SHMT1: variants seen among roughly 807,000 people sequenced by gnomAD.
SHMT1 encodes serine hydroxymethyltransferase, cytosolic.
A neutral mutation model predicts 49.0 loss-of-function variants in SHMT1; 45 were observed. The observed-to-expected ratio is 0.92, with a 90% CI of 0.72 to 1.18. SHMT1 has a LOEUF of 1.18. SHMT1 is among the 50% of genes most tolerant of loss of function. SHMT1 has a pLI of 0.00. For synonymous variants in SHMT1, 232 were observed against 246.6 expected (o/e 0.94, Z 0.55); for missense variants, 541 against 612.4 (o/e 0.88, Z 1.23).
chr17:18,347,369 A>T lies in SHMT1; in HGVS notation c.519+127T>A. 2.7e-6 allele frequency: 3 copies of T among 1,129,682 alleles called. No homozygotes were observed. The South Asian group carries it at 3.7e-5, about 14-fold the overall frequency. 70.0% of individuals were successfully genotyped at this position (1,129,682 alleles called of 1,614,324 possible). A position where few individuals can be genotyped will look rare whatever the true frequency, so the allele number is the denominator to read the frequency against. On this transcript the variant is annotated intron_variant, in intron 5 of 11. Transcript: ENST00000316694. ...AACCTGAGGAGTCCCCGCTGCAAGG[A>T]AATTAAAAACGGTGCGAGGTGGGGA...
At chr17:18,328,968 G>GTAC in intron 11 of SHMT1, 49 bp from the exon 12 acceptor site, 1 of 1,608,920 alleles carries the variant, frequency 6.2e-7, no homozygotes, top group Non-Finnish European at 8.5e-7. Flanking sequence ...CACCAAAGGG[G>GTAC]GTACAATGGC....
rs1421043481 is a variant in SHMT1, at chr17:18,330,649, G to GATCA, written c.1073_1076dup (p.Leu360AspfsTer16). The GATCA allele has an allele frequency of 2.5e-6, 4 of 1,613,948 alleles. No individual in the cohort carries two copies. The highest frequency in any genetic ancestry group is 3.4e-6 in the Non-Finnish European group (4 of 1,179,792). On this transcript the variant is annotated frameshift_variant, in exon 10 of 12. Coordinates refer to ENST00000316694, the MANE Select transcript of SHMT1 (RefSeq NM_004169.5). LOFTEE classifies it high-confidence loss of function. ...TGCCTTTGGAACGGAGATCCACAAGGATCAAATGGTTGTCAGAACCACCTG... is the reference window on the plus strand; with the variant it reads ...TGCCTTTGGAACGGAGATCCACAAGGATCAATCAAATGGTTGTCAGAACCACCTG...
chr17:18,362,661 C>G (rs1205414685), intron 1 of SHMT1, among the ~76,000 whole-genome samples: 1 of 152,202 alleles, frequency 6.6e-6, no homozygotes, highest in East Asian at 1.9e-4. Flanking sequence ...ACTGGTGTTT[C>G]CAGTCTATTC....
intron 3 of SHMT1, among the ~76,000 whole-genome samples, chr17:18,349,969 G>A (rs932638872): frequency 1.3e-5 from 2 of 151,714 alleles, no homozygotes; most frequent in African/African-American, 2.4e-5. Flanking sequence ...GCGGTGAGCC[G>A]AGATTGTACC....
intron 2 of SHMT1, 120 bp downstream of exon 2, chr17:18,355,766 T>C: frequency 1.4e-6 from 1 of 721,780 alleles, no homozygotes; most frequent in Non-Finnish European, 2.5e-6. Context: ...TGCCACCACC[T>C]CTAAATCCAG....
rs779538552 is a variant in SHMT1 at position 18,328,788 on chromosome 17, C to T, written c.1414G>A (p.Ala472Thr). ...QALREEVESF[A>T]SLFPLPGLPD... ...AGGCCAGGCAGAGGGAAGAGAGAGG[C>T]GAAGCTCTCAACCTCCTCCCGGAGA... Residue 472 changes from alanine to threonine, a missense_variant, in exon 12 of 12, where the codon GCC becomes ACC. Coordinates refer to ENST00000316694, the MANE Select transcript of SHMT1 (RefSeq NM_004169.5). The T allele has an allele frequency of 6.9e-6, 11 of 1,599,272 alleles. No homozygotes were observed. In the South Asian group the frequency reaches 7.8e-5, roughly 11 times the overall value.
chr17:18,330,789 C>A, intron 9 of SHMT1, 118 bp from the exon 10 acceptor site: 1 of 735,048 alleles, frequency 1.4e-6, no homozygotes, highest in East Asian at 2.6e-5. Context: ...AAGGTGAGCA[C>A]CCCCACCACA....
At chr17:18,339,104 G>T (rs1163604886) in intron 7 of SHMT1, among the ~76,000 whole-genome samples, 1 of 147,844 alleles carries the variant, frequency 6.8e-6, no homozygotes, top group Non-Finnish European at 1.5e-5. Flanking sequence ...CCAGAGGGCT[G>T]GTGTCTCTGC....
intron 7 of SHMT1, among the ~76,000 whole-genome samples, chr17:18,339,679 G>A (rs1018646392): frequency 3.3e-5 from 5 of 151,836 alleles, no homozygotes; most frequent in South Asian, 2.1e-4. Flanking sequence ...TCCTGCCTTC[G>A]CCTCCTGAGT....
At chr17:18,333,088 T>C (rs752734232) in intron 9 of SHMT1, 78 bp downstream of exon 9, 1 of 1,570,078 alleles carries the variant, frequency 6.4e-7, no homozygotes, top group Non-Finnish European at 8.8e-7. Context: ...CTGGGCCACA[T>C]CCTGGTTGCA....
At chr17:18,344,577 G>GGAAA (rs1555581586) in intron 5 of SHMT1, among the ~76,000 whole-genome samples, 2 of 65,384 alleles carry the variant, frequency 3.1e-5, no homozygotes, top group African/African-American at 1.2e-4. Flanking sequence ...ACAATTACCG[G>GGAAA]AAAAAAAAAA....
chr17:18,360,146 G>A (rs1567797932), intron 1 of SHMT1, among the ~76,000 whole-genome samples: 2 of 151,952 alleles, frequency 1.3e-5, no homozygotes, highest in Admixed American at 1.3e-4. Flanking sequence ...CTATGCGGGA[G>A]GCTGAGGTAG....
intron 10 of SHMT1, among the ~76,000 whole-genome samples, chr17:18,329,774 T>C (rs1391919623): frequency 6.6e-6 from 1 of 152,108 alleles, no homozygotes; most frequent in Non-Finnish European, 1.5e-5. Context: ...TACATCAGTC[T>C]TTTTGCTCCC....
intron 9 of SHMT1, 175 bp from the exon 10 acceptor site, chr17:18,330,846 GTGAAAGGAAGGACAGAGCACTTT>G: frequency 1.5e-6 from 1 of 667,582 alleles, no homozygotes; most frequent in Non-Finnish European, 2.7e-6. Context: ...GCCTAAGAAT[GTGAAAGGAAGGACAGAGCACTTT>G]TGAAAGGGGT....
chr17:18,344,089 T>G (rs1274520146), intron 5 of SHMT1, among the ~76,000 whole-genome samples: 4 of 152,078 alleles, frequency 2.6e-5, no homozygotes, highest in African/African-American at 9.7e-5. Context: ...TCCTCTTACC[T>G]TGGTGTCCCC....
At chr17:18,361,298 CA>C (rs57119291) in intron 1 of SHMT1, among the ~76,000 whole-genome samples, 48 of 97,850 alleles carry the variant, frequency 4.9e-4, no homozygotes, top group South Asian at 1.4e-3. Context: ...GACTCTGTCT[CA>C]AAAAAAAAAA....
At chr17:18,328,979 T>C in intron 11 of SHMT1, 60 bp from the exon 12 acceptor site, 1 of 1,602,276 alleles carries the variant, frequency 6.2e-7, no homozygotes, top group Non-Finnish European at 8.5e-7. Flanking sequence ...GTACAATGGC[T>C]GGGGGCCGAG....
intron 3 of SHMT1, among the ~76,000 whole-genome samples, chr17:18,351,405 T>G (rs957707691): frequency 1.3e-5 from 2 of 150,982 alleles, no homozygotes; most frequent in Admixed American, 6.6e-5. Flanking sequence ...CTCGGCCTCC[T>G]AAAGTGCTGG....
chr17:18,333,372 C>T (rs1048683127), intron 8 of SHMT1, 84 bp from the exon 9 acceptor site: 5 of 1,404,062 alleles, frequency 3.6e-6, no homozygotes, highest in Middle Eastern at 2.4e-4. Context: ...TGTTTTTACT[C>T]AAGCTTCCTT....
Sources: allele counts gnomAD v4.1 joint callset (sites outside exome capture counted in the v4.1 genomes callset), GRCh38; gene constraint gnomAD v4.1.1; transcripts MANE v1.5; gene names NCBI Gene and HGNC (gene_info 2026-07-23, HGNC 2026-07-21).